Variants in NBN observed in about 807,000 individuals in gnomAD.
The protein encoded by NBN is nibrin.
Under a neutral mutation model 90.8 loss-of-function variants are expected in NBN, and 88 were observed. That is an observed-to-expected ratio of 0.97 (90% CI 0.82 to 1.16). The LOEUF is 1.16. Among genes scored for constraint, NBN ranks in the 50% most tolerant of loss-of-function variants. The pLI is 0.00. For synonymous variants in NBN, 328 were observed against 295.1 expected (o/e 1.11, Z -1.14); for missense variants, 894 against 869.6 (o/e 1.03, Z -0.35).
At position 89,935,511 on chromosome 8, in the gene NBN, A is replaced by G; in HGVS notation, c.*71T>C. On this transcript the variant is annotated 3_prime_UTR_variant, in exon 16 of 16. Transcript: ENST00000265433. ...AATCGCTTCTATACACTATATATTC[A>G]TATAACCTTGTTGGCCTGAAGTAGA... 6.3e-7 allele frequency: 1 copy of G among 1,584,618 alleles called. No individual in the cohort carries two copies. Among genetic ancestry groups the G allele is most frequent in the Admixed American group, 1.7e-5 (1 of 59,604 alleles).
chr8:89,953,218 T>C, intron 11 of NBN, 26 bp downstream of exon 11: 9 of 1,497,032 alleles, frequency 6.0e-6, no homozygotes, highest in Non-Finnish European at 8.4e-6. Context: ...CTATGTACTA[T>C]ACCTCTCATT....
At chr8:89,970,319 A>T (rs1349503898) in intron 7 of NBN, 45 bp downstream of exon 7, 12 of 1,489,824 alleles carry the variant, frequency 8.1e-6, no homozygotes, top group Non-Finnish European at 1.0e-5. Flanking sequence ...TTAAACATAA[A>T]ATCTCCTACT....
chr8:89,955,213 C>T (rs779975276), intron 10 of NBN, 70 bp downstream of exon 10: 2 of 1,436,546 alleles, frequency 1.4e-6, no homozygotes, highest in Admixed American at 1.7e-5. Flanking sequence ...AAAGACAATA[C>T]CATTCTACAA....
Position 89,953,427 on chromosome 8 carries a change from A to AT in NBN, c.1661dup (p.Asp554GlufsTer2), listed in dbSNP as rs1810538791. 2 of 1,613,688 alleles carry AT rather than the reference A, an allele frequency of 1.2e-6. No homozygotes were observed. Among genetic ancestry groups the AT allele is most frequent in the South Asian group, 2.2e-5 (2 of 91,072 alleles). On this transcript the variant is annotated frameshift_variant, in exon 11 of 16. Transcript: ENST00000265433. LOFTEE classifies it high-confidence loss of function. The stretch of plus-strand genomic sequence containing the variant: ...ATACTTCATCTTCTATGGCCACATC[A>AT]TCCATTTCCCTTTTTTTATTTGATC...
At chr8:89,937,562 A>G (rs1267455162) in intron 14 of NBN, among the ~76,000 whole-genome samples, 1 of 152,164 alleles carries the variant, frequency 6.6e-6, no homozygotes, top group Admixed American at 6.5e-5. Context: ...CAAACTCACT[A>G]AACTTCTACA....
chr8:89,941,703 T>C (rs1809957127), intron 14 of NBN, among the ~76,000 whole-genome samples: 2 of 152,342 alleles, frequency 1.3e-5, no homozygotes, highest in South Asian at 4.1e-4. Context: ...TTCTGGGCTT[T>C]AGGTTTTCAC....
rs1586088968 is a variant in NBN, at chr8:89,971,295, A to G, written c.585-5T>C. 1 of 1,606,012 alleles carries G rather than the reference A, an allele frequency of 6.2e-7. No homozygotes were observed. The highest frequency in any genetic ancestry group is 8.5e-7 in the Non-Finnish European group (1 of 1,174,694). On this transcript the variant is annotated splice_region_variant and splice_polypyrimidine_tract_variant and intron_variant, in intron 5 of 15. Coordinates refer to ENST00000265433, the MANE Select transcript of NBN (RefSeq NM_002485.5). The stretch of plus-strand genomic sequence containing the variant: ...TCATCAAGAGGTGGGTAAAAACTGT[A>G]AAAATAATTAAAGTATATTCTAATT...
At position 89,944,637 on chromosome 8, in the gene NBN, GTGTAAT is replaced by G. The variant is rs545988156; in HGVS notation, c.2071-1277_2071-1272del. ...CTCTGATACCTGGCCCGGCACAGTG[GTGTAAT>G]CTTGGCTCACTGCAACCTCCGCCTC... On this transcript the variant is annotated intron_variant, in intron 13 of 15. Transcript: ENST00000265433. Among the ~76,000 whole-genome samples, 966 of 152,304 alleles carry G rather than the reference GTGTAAT, an allele frequency of 6.3e-3. 2 individuals are homozygous for G. Among genetic ancestry groups the G allele is most frequent in the Non-Finnish European group, 9.1e-3 (617 of 68,028 alleles).
Position 89,946,125 on chromosome 8 carries a change from A to C in NBN, c.2070+15T>G, listed in dbSNP as rs764467759. 5.9e-6 allele frequency: 9 copies of C among 1,535,288 alleles called. 1 individual carries two copies. In the South Asian group the frequency reaches 1.0e-4, roughly 17 times the overall value. On this transcript the variant is annotated intron_variant, in intron 13 of 15. Coordinates refer to ENST00000265433, the MANE Select transcript of NBN (RefSeq NM_002485.5). ...TTCAAACACTGACCTCTTGTGATAC[A>C]GTTGAAATACCTACCTTTTTGAATT... is the stretch of plus-strand genomic sequence containing the variant.
chr8:89,965,680 G>C lies in NBN; in HGVS notation c.897-1173C>G, dbSNP rs149322919. 2.1e-3 allele frequency among the ~76,000 whole-genome samples: 320 copies of C among 152,074 alleles called. 2 individuals are homozygous for C. The highest frequency in any genetic ancestry group is 7.0e-3 in the African/African-American group (291 of 41,494). ...AATTTTTGTATTTTTAGTAGAGATG[G>C]GGTTTCACTACGCTGGCCAGGCTGG... On this transcript the variant is annotated intron_variant, in intron 7 of 15. Transcript: ENST00000265433.
chr8:89,941,885 T>C (rs893475300), intron 14 of NBN, among the ~76,000 whole-genome samples: 1 of 152,198 alleles, frequency 6.6e-6, no homozygotes, highest in Non-Finnish European at 1.5e-5. Flanking sequence ...GTGACTTTCC[T>C]AAATAACCCT....
At chr8:89,978,422 T>C (rs962594642) in intron 4 of NBN, 99 bp from the exon 5 acceptor site, 1 of 919,808 alleles carries the variant, frequency 1.1e-6, no homozygotes, top group Non-Finnish European at 1.7e-6. Context: ...TTTACATCCA[T>C]AAAAAATAAT....
intron 7 of NBN, among the ~76,000 whole-genome samples, chr8:89,966,654 A>G (rs1811266249): frequency 6.6e-6 from 1 of 152,214 alleles, no homozygotes. Flanking sequence ...CTTCCTAATC[A>G]AAATCCAAAC....
Position 89,970,546 on chromosome 8 carries a change from C to G in NBN, c.714G>C (p.Leu238Phe). 1 of 1,613,398 alleles carries G rather than the reference C, an allele frequency of 6.2e-7. No individual in the cohort carries two copies. Among genetic ancestry groups the G allele is most frequent in the Non-Finnish European group, 8.5e-7 (1 of 1,179,446 alleles). Residue 238 changes from leucine (L) to phenylalanine (F), a missense_variant, in exon 7 of 16, where the codon TTG becomes TTC. Leu to Phe is a conservative substitution (Grantham distance 22, BLOSUM62 0). Transcript: ENST00000265433. ...IFLNAKQHKK[L>F]SSAVVFGGGE... Reference sequence around the variant, plus strand: ...CACCTCCAAAGACAACTGCGGAACTCAATTTCTTATGCTAAAAATGGAAGG... The same window carrying G: ...CACCTCCAAAGACAACTGCGGAACTGAATTTCTTATGCTAAAAATGGAAGG...
At chr8:89,960,909 T>G (rs1016526862) in intron 8 of NBN, among the ~76,000 whole-genome samples, 11 of 152,082 alleles carry the variant, frequency 7.2e-5, no homozygotes, top group African/African-American at 2.7e-4. Context: ...TCCCCCAAAG[T>G]TGGTTGTGCT....
Position 89,984,546 on chromosome 8 carries a change from G to C in NBN, c.16C>G (p.Pro6Ala), listed in dbSNP as rs730881859. Residue 6 changes from proline (P) to alanine (A), a missense_variant, in exon 1 of 16, where the codon CCC (proline) becomes GCC (alanine). Transcript: ENST00000265433. MWKLL[P>A]AAGPAGGEPY... is the part of the protein sequence containing the mutation. ...TTACCTCCTGCCGGGCCCGCGGCGGGCAGCAGTTTCCACATCGGTCCGGCT... is the reference window on the plus strand; with the variant it reads ...TTACCTCCTGCCGGGCCCGCGGCGGCCAGCAGTTTCCACATCGGTCCGGCT... The C allele has an allele frequency of 5.6e-6, 9 of 1,613,102 alleles. No individual in the cohort carries two copies. In the African/African-American group the frequency reaches 1.2e-4, roughly 22 times the overall value.
rs919235957 is a variant in NBN, at chr8:89,984,610, G to A, written c.-49C>T. 8.1e-6 allele frequency: 13 copies of A among 1,607,068 alleles called. No homozygotes were observed. Among genetic ancestry groups the A allele is most frequent in the East Asian group, 2.2e-5 (1 of 44,512 alleles). On this transcript the variant is annotated 5_prime_UTR_variant, in exon 1 of 16. Transcript: ENST00000265433. ...GCCGACGTGCAACCGCGTAACCGGG[G>A]CTGCTAGACGAGCGCGGATACGGCG...
At chr8:89,936,318 G>A (rs1034166449) in intron 15 of NBN, among the ~76,000 whole-genome samples, 7 of 151,750 alleles carry the variant, frequency 4.6e-5, no homozygotes, top group South Asian at 2.1e-4. Context: ...CTCGTAATCC[G>A]CCCACCTCAG....
At position 89,978,323 on chromosome 8, in the gene NBN, T is replaced by C. The variant is rs1811873057; in HGVS notation, c.481A>G (p.Thr161Ala). Residue 161 changes from threonine to alanine, a missense_variant and splice_region_variant, in exon 5 of 16, where the codon ACA (threonine) becomes GCA (alanine). Physicochemically the swap from Thr to Ala is moderately conservative, Grantham distance 58. Coordinates refer to ENST00000265433, the MANE Select transcript of NBN (RefSeq NM_002485.5). ...VMVSVKVTIK[T>A]ICALICGRPI... ...CGTCCACAAATGAGTGCACATATTG[T>C]CTACAATGAAGAAAACATGTGAATA... The C allele has an allele frequency of 6.3e-7, 1 of 1,584,348 alleles. No homozygotes were observed. Among genetic ancestry groups the C allele is most frequent in the Non-Finnish European group, 8.7e-7 (1 of 1,153,388 alleles).
Sources: allele counts gnomAD v4.1 joint callset (sites outside exome capture counted in the v4.1 genomes callset), GRCh38; gene constraint gnomAD v4.1.1; transcripts MANE v1.5; gene names NCBI Gene and HGNC (gene_info 2026-07-23, HGNC 2026-07-21).